Variants in CACNA1C observed in about 807,000 individuals in gnomAD.
The protein encoded by CACNA1C is calcium voltage-gated channel subunit alpha1 C.
Under a neutral mutation model 229.0 loss-of-function variants are expected in CACNA1C, and 30 were observed. The observed-to-expected ratio is 0.13, with a 90% CI of 0.10 to 0.18. The LOEUF is 0.18. Ranked by LOEUF, CACNA1C falls within the 10% of genes least tolerant of loss-of-function variation. The pLI is 1.00. For synonymous variants in CACNA1C, 1,114 were observed against 1,132.5 expected (o/e 0.98, Z 0.33); for missense variants, 1,658 against 2,845.0 (o/e 0.58, Z 9.49).
At chr12:2,296,050 T>C (rs1159462310) in intron 3 of CACNA1C, among the ~76,000 whole-genome samples, 2 of 152,078 alleles carry the variant, frequency 1.3e-5, no homozygotes, top group Non-Finnish European at 2.9e-5. Flanking sequence ...GTCAGAAAAA[T>C]GAGGTTGCTC....
intron 1 of CACNA1C, among the ~76,000 whole-genome samples, chr12:2,077,034 A>C (rs2063474150): frequency 2.0e-5 from 3 of 152,246 alleles, no homozygotes; most frequent in Non-Finnish European, 4.4e-5. Flanking sequence ...AATGAGGTCG[A>C]GCAACATTCA....
At chr12:2,331,352 G>A (rs2096541932) in intron 3 of CACNA1C, among the ~76,000 whole-genome samples, 1 of 152,176 alleles carries the variant, frequency 6.6e-6, no homozygotes, top group Admixed American at 6.5e-5. Flanking sequence ...AGAGCAATAT[G>A]TGAGTCTAGC....
chr12:2,080,287 C>CAAAAAAAA (rs1555137397), intron 1 of CACNA1C, among the ~76,000 whole-genome samples: 12 of 151,134 alleles, frequency 7.9e-5, no homozygotes, highest in Non-Finnish European at 1.5e-4. Flanking sequence ...ACAAAAAAAA[C>CAAAAAAAA]AAATAAAATA....
intron 3 of CACNA1C, among the ~76,000 whole-genome samples, chr12:2,294,532 C>T (rs1190490734): frequency 2.6e-5 from 4 of 151,958 alleles, no homozygotes; most frequent in African/African-American, 4.8e-5. Context: ...CAGGAACCAT[C>T]GCGGTAGGCC....
chr12:2,552,081 A>C (rs984191472), intron 10 of CACNA1C, among the ~76,000 whole-genome samples: 1 of 152,226 alleles, frequency 6.6e-6, no homozygotes, highest in Non-Finnish European at 1.5e-5. Flanking sequence ...CAGAAGAATA[A>C]GACCAAGCAA....
chr12:2,148,175 A>G (rs946802591), intron 3 of CACNA1C, among the ~76,000 whole-genome samples: 2 of 151,414 alleles, frequency 1.3e-5, no homozygotes, highest in East Asian at 3.9e-4. Flanking sequence ...CAGCAAACCA[A>G]TCATCCACAC....
chr12:2,175,061 T>G (rs573816940), intron 3 of CACNA1C, among the ~76,000 whole-genome samples: 2 of 152,236 alleles, frequency 1.3e-5, no homozygotes, highest in East Asian at 3.9e-4. Flanking sequence ...CCTGTGTTGT[T>G]CAAGGTCAGC....
At chr12:2,551,287 A>G (rs1042924944) in intron 10 of CACNA1C, among the ~76,000 whole-genome samples, 7 of 152,136 alleles carry the variant, frequency 4.6e-5, no homozygotes, top group African/African-American at 1.4e-4. Context: ...TTGATAGTAC[A>G]TTTCAGGAGA....
intron 1 of CACNA1C, among the ~76,000 whole-genome samples, chr12:2,090,098 C>T (rs1320443245): frequency 6.6e-6 from 1 of 152,110 alleles, no homozygotes; most frequent in African/African-American, 2.4e-5. Flanking sequence ...CTCCCTGCCT[C>T]CAGCCCCTGG....
chr12:2,359,381 T>C (rs2097491204), intron 3 of CACNA1C, among the ~76,000 whole-genome samples: 1 of 152,204 alleles, frequency 6.6e-6, no homozygotes, highest in East Asian at 1.9e-4. Flanking sequence ...AGAAAACTTT[T>C]GGGGTGTGTT....
At chr12:2,185,780 C>G (rs1039919118) in intron 3 of CACNA1C, among the ~76,000 whole-genome samples, 2 of 152,194 alleles carry the variant, frequency 1.3e-5, no homozygotes, top group Non-Finnish European at 2.9e-5. Flanking sequence ...GCACTGCCTC[C>G]TGCCCTGTCT....
chr12:2,540,555 C>G (rs1435046739), intron 9 of CACNA1C, among the ~76,000 whole-genome samples: 1 of 152,164 alleles, frequency 6.6e-6, no homozygotes, highest in Non-Finnish European at 1.5e-5. Context: ...CTCCTCCCCT[C>G]CACTGCTGTG....
intron 9 of CACNA1C, among the ~76,000 whole-genome samples, chr12:2,528,000 T>C (rs781612858): frequency 3.9e-5 from 6 of 152,226 alleles, no homozygotes; most frequent in Non-Finnish European, 7.3e-5. Flanking sequence ...ATAATTTCCA[T>C]AATCCCTTAG....
chr12:2,355,027 G>A (rs1188989358), intron 3 of CACNA1C, among the ~76,000 whole-genome samples: 1 of 152,112 alleles, frequency 6.6e-6, no homozygotes, highest in Non-Finnish European at 1.5e-5. Flanking sequence ...AGAAGGAGGC[G>A]TAACATTGTG....
intron 3 of CACNA1C, among the ~76,000 whole-genome samples, chr12:2,267,187 A>G (rs1341795118): frequency 2.0e-5 from 3 of 152,150 alleles, no homozygotes; most frequent in Admixed American, 6.5e-5. Flanking sequence ...AGAAATGTTC[A>G]TGCAGTCAAG....
chr12:2,121,818 C>G (rs1470125053), intron 3 of CACNA1C, among the ~76,000 whole-genome samples: 1 of 152,230 alleles, frequency 6.6e-6, no homozygotes, highest in African/African-American at 2.4e-5. Flanking sequence ...CCTCCCAACC[C>G]TCCTACAGTT....
chr12:2,485,142 A>G (rs1298952551), intron 5 of CACNA1C, among the ~76,000 whole-genome samples: 1 of 151,932 alleles, frequency 6.6e-6, no homozygotes, highest in African/African-American at 2.4e-5. Context: ...TGCGACTTGG[A>G]GGGGGGTTTC....
At chr12:2,278,887 A>G (rs1246388739) in intron 3 of CACNA1C, among the ~76,000 whole-genome samples, 3 of 152,230 alleles carry the variant, frequency 2.0e-5, no homozygotes, top group Non-Finnish European at 4.4e-5. Context: ...CATCCTCACC[A>G]ACACCTGGTG....
chr12:2,504,972 T>G lies in CACNA1C; in HGVS notation c.1217+27T>G. On this transcript the variant is annotated intron_variant, in intron 8 of 46. Transcript: ENST00000399655. The surrounding 1 kb of genome is among the most constrained non-coding windows in gnomAD (Gnocchi z 6.8). ...TAAGCAGGACCAAGGAAAAAGGTCT[T>G]GATTTTTCCATTTATTTTTATTTAT... The G allele has an allele frequency of 9.2e-7, 1 of 1,089,276 alleles. No individual in the cohort carries two copies. The allele number at this position is 1,089,276 out of a possible 1,614,324, so 67.5% of individuals were successfully genotyped here. A position where few individuals can be genotyped will look rare whatever the true frequency, so the allele number is the denominator to read the frequency against.
Sources: allele counts gnomAD v4.1 joint callset (sites outside exome capture counted in the v4.1 genomes callset), GRCh38; gene constraint gnomAD v4.1.1; non-coding constraint Gnocchi (gnomAD v3.1); transcripts MANE v1.5; gene names NCBI Gene and HGNC (gene_info 2026-07-23, HGNC 2026-07-21).